Variants in FBLN7 observed in about 807,000 individuals in gnomAD.
The protein encoded by FBLN7 is fibulin 7.
A neutral mutation model predicts 44.0 loss-of-function variants in FBLN7; 31 were observed. The observed-to-expected ratio is 0.70, with a 90% CI of 0.53 to 0.95. The LOEUF (loss-of-function observed/expected upper bound fraction) is 0.95, where lower values mean the gene tolerates loss of function less well. Ranked by LOEUF, FBLN7 falls within the 40% of genes least tolerant of loss-of-function variation. The pLI, the probability that FBLN7 is intolerant of heterozygous loss-of-function variation, is 0.00. For missense variants in FBLN7, 573 were observed against 618.5 expected, an observed-to-expected ratio of 0.93 and a Z score of 0.78; for synonymous variants, 262 against 253.4, an observed-to-expected ratio of 1.03 and a Z score of -0.32.
chr2:112,192,283 C>A (rs2104620342), downstream of FBLN7, among the ~76,000 whole-genome samples: 1 of 152,268 alleles, frequency 6.6e-6, no homozygotes, highest in South Asian at 2.1e-4. Flanking sequence ...ATTTTCCACC[C>A]CCAACAGCAA....
chr2:112,235,410 T>C, the FBLN7 span, among the ~76,000 whole-genome samples: 13 of 152,180 alleles, frequency 8.5e-5, no homozygotes, highest in Non-Finnish European at 1.5e-4. Context: ...AAAGAGAATA[T>C]TGACAGGGGG....
chr2:112,160,776 GCACACGCACGCACACGCACA>G (rs1558880311), intron 2 of FBLN7, among the ~76,000 whole-genome samples: 1 of 108,800 alleles, frequency 9.2e-6, no homozygotes, highest in African/African-American at 3.4e-5. Context: ...ACACGCAGAC[GCACACGCACGCACACGCACA>G]CACGCACGCA....
chr2:112,168,386 T>C (rs1401642366), intron 3 of FBLN7, among the ~76,000 whole-genome samples: 1 of 152,222 alleles, frequency 6.6e-6, no homozygotes, highest in Non-Finnish European at 1.5e-5. Flanking sequence ...TCTTGAAGCA[T>C]AGATGGGGCC....
At chr2:112,210,528 T>A in the FBLN7 span, among the ~76,000 whole-genome samples, 3 of 151,680 alleles carry the variant, frequency 2.0e-5, no homozygotes, top group Non-Finnish European at 4.4e-5. Context: ...TAGTGGCACA[T>A]GCCTATAATC....
At chr2:112,206,543 T>A in the FBLN7 span, among the ~76,000 whole-genome samples, 374 of 152,278 alleles carry the variant, frequency 2.5e-3, 2 homozygotes, top group Non-Finnish European at 4.5e-3. Flanking sequence ...TGCCTCAGCC[T>A]CCCAAGTAGC....
chr2:112,231,833 C>T, the FBLN7 span: 2 of 1,535,806 alleles, frequency 1.3e-6, no homozygotes, highest in African/African-American at 1.4e-5. Flanking sequence ...AAAAATTATA[C>T]TTACTTTAGC....
intron 3 of FBLN7, among the ~76,000 whole-genome samples, chr2:112,169,643 C>T (rs941700166): frequency 6.6e-6 from 1 of 152,176 alleles, no homozygotes; most frequent in African/African-American, 2.4e-5. Flanking sequence ...CAGCCATTCA[C>T]AAAGCTGGTG....
the FBLN7 span, among the ~76,000 whole-genome samples, chr2:112,209,540 G>A: frequency 6.6e-6 from 1 of 152,100 alleles, no homozygotes; most frequent in Admixed American, 6.5e-5. Flanking sequence ...CACAAAGCAT[G>A]GCATCTCCAG....
chr2:112,230,795 G>A, the FBLN7 span: 14 of 636,346 alleles, frequency 2.2e-5, no homozygotes, highest in Middle Eastern at 3.4e-4. Flanking sequence ...TTTTAGTGGC[G>A]GAGGAAGAAG....
chr2:112,159,576 G>T, intron 1 of FBLN7, 100 bp from the exon 2 acceptor site: 1 of 1,368,540 alleles, frequency 7.3e-7, no homozygotes. Context: ...CTTCAAACGC[G>T]GTTTGGACCC....
the FBLN7 span, among the ~76,000 whole-genome samples, chr2:112,205,994 T>C: frequency 6.6e-6 from 1 of 152,152 alleles, no homozygotes; most frequent in Non-Finnish European, 1.5e-5. Flanking sequence ...AGTGAAAATA[T>C]CTGAACCTGG....
the FBLN7 span, among the ~76,000 whole-genome samples, chr2:112,221,620 G>T: frequency 3.3e-5 from 5 of 152,064 alleles, no homozygotes; most frequent in Non-Finnish European, 5.9e-5. Context: ...CAGTCTTCCA[G>T]CTCTGAGATT....
rs1289544905 is a variant in FBLN7, at chr2:112,165,232, T to G, written c.406+61T>G. 3.9e-6 allele frequency: 6 copies of G among 1,552,708 alleles called. No individual in the cohort carries two copies. In the South Asian group the frequency reaches 4.8e-5, roughly 12 times the overall value. On this transcript the variant is annotated intron_variant, in intron 3 of 7. Transcript: ENST00000331203. Reference sequence around the variant, plus strand: ...CCATCACAGTATAGCAAGGGTTTCTTGCATAGAAAGGGTCATTCCTTGGAA... The same window carrying G: ...CCATCACAGTATAGCAAGGGTTTCTGGCATAGAAAGGGTCATTCCTTGGAA...
the FBLN7 span, among the ~76,000 whole-genome samples, chr2:112,239,853 A>T: frequency 1.3e-5 from 2 of 152,044 alleles, no homozygotes; most frequent in East Asian, 3.9e-4. Flanking sequence ...CCAAAGTGCT[A>T]GGATTACAGC....
At chr2:112,237,421 CAA>C in the FBLN7 span, among the ~76,000 whole-genome samples, 1 of 151,982 alleles carries the variant, frequency 6.6e-6, no homozygotes, top group East Asian at 1.9e-4. Flanking sequence ...TTAAATAGAT[CAA>C]GTTTTTATTT....
chr2:112,209,039 C>G, the FBLN7 span, among the ~76,000 whole-genome samples: 1 of 152,100 alleles, frequency 6.6e-6, no homozygotes, highest in South Asian at 2.1e-4. Context: ...ATTGTATTGT[C>G]CCTTAAATTT....
intron 1 of FBLN7, among the ~76,000 whole-genome samples, chr2:112,149,194 A>G (rs1179206456): frequency 6.6e-6 from 1 of 152,180 alleles, no homozygotes; most frequent in African/African-American, 2.4e-5. Context: ...CTGATTGCAG[A>G]GGAGAATGGA....
chr2:112,147,727 T>G (rs1380268066), intron 1 of FBLN7, among the ~76,000 whole-genome samples: 2 of 152,380 alleles, frequency 1.3e-5, no homozygotes, highest in East Asian at 3.9e-4. Flanking sequence ...TTCCTCTTTC[T>G]TTGGCTTACT....
At chr2:112,159,886 T>C (rs1393818030) in intron 2 of FBLN7, 51 bp downstream of exon 2, 4 of 1,431,856 alleles carry the variant, frequency 2.8e-6, no homozygotes, top group Non-Finnish European at 3.7e-6. Context: ...ACTCGAGCAC[T>C]CTCCCCGAGA....
Sources: allele counts gnomAD v4.1 joint callset (sites outside exome capture counted in the v4.1 genomes callset), GRCh38; gene constraint gnomAD v4.1.1; transcripts MANE v1.5; gene names NCBI Gene and HGNC (gene_info 2026-07-23, HGNC 2026-07-21).